SMCHD1: variants seen among roughly 807,000 people sequenced by gnomAD.
SMCHD1 encodes structural maintenance of chromosomes flexible hinge domain-containing protein 1.
SMCHD1 carries 78 observed loss-of-function variants against 254.7 expected under a neutral mutation model. That is an observed-to-expected ratio of 0.31 (90% CI 0.26 to 0.37). The LOEUF (loss-of-function observed/expected upper bound fraction) is 0.37. Among genes scored for constraint, SMCHD1 ranks in the 10% least tolerant of loss-of-function variants. The pLI is 1.00. For missense variants in SMCHD1, 1,840 were observed against 2,408.1 expected (o/e 0.76, Z 4.94); for synonymous variants, 766 against 794.9 (o/e 0.96, Z 0.61).
At chr18:2,662,898 A>G (rs1221671754) in intron 1 of SMCHD1, among the ~76,000 whole-genome samples, 2 of 152,126 alleles carry the variant, frequency 1.3e-5, no homozygotes, top group African/African-American at 2.4e-5. Flanking sequence ...AAGTATGCCA[A>G]ATTAATTACT....
chr18:2,708,907 T>TATATATATATATATATATATATAAAA (rs769432583), intron 17 of SMCHD1, among the ~76,000 whole-genome samples: 8 of 44,702 alleles, frequency 1.8e-4, no homozygotes, highest in Admixed American at 5.9e-4. Context: ...TATATATATA[T>TATATATATATATATATATATATAAAA]AACATATTAA....
chr18:2,733,244 T>TA (rs756090782), intron 25 of SMCHD1, among the ~76,000 whole-genome samples: 43 of 152,086 alleles, frequency 2.8e-4, no homozygotes, highest in African/African-American at 8.2e-4. Flanking sequence ...AATTGTACAA[T>TA]AAAAAATCAC....
chr18:2,680,323 T>TTGC (rs140806627), intron 5 of SMCHD1, among the ~76,000 whole-genome samples: 1 of 188 alleles, frequency 5.3e-3, no homozygotes, highest in Non-Finnish European at 0.023. Context: ...TCCCCAAGAC[T>TTGC]TGTTGCATCT....
At chr18:2,682,097 A>G (rs2073943754) in intron 5 of SMCHD1, among the ~76,000 whole-genome samples, 1 of 151,992 alleles carries the variant, frequency 6.6e-6, no homozygotes, top group Non-Finnish European at 1.5e-5. Context: ...TGTCTGGCAC[A>G]TTTATTCTAG....
chr18:2,685,124 G>T (rs143978650), intron 5 of SMCHD1, among the ~76,000 whole-genome samples: 2 of 64,272 alleles, frequency 3.1e-5, no homozygotes, highest in Non-Finnish European at 6.3e-5. Flanking sequence ...TTTTTGAGAC[G>T]AGTCTCGTTC....
intron 35 of SMCHD1, among the ~76,000 whole-genome samples, chr18:2,761,819 A>G (rs2075790844): frequency 6.6e-6 from 1 of 152,200 alleles, no homozygotes; most frequent in Non-Finnish European, 1.5e-5. Flanking sequence ...CTCTGTCTCA[A>G]AAAAACAAAA....
chr18:2,729,301 C>A lies in SMCHD1; in HGVS notation c.2940C>A (p.Val980=), dbSNP rs1488080170. 1.7e-5 allele frequency: 26 copies of A among 1,534,114 alleles called. No homozygotes were observed. The highest frequency in any genetic ancestry group is 2.2e-5 in the Non-Finnish European group (25 of 1,142,336). The change falls in exon 24 of 48, where the codon GTC becomes GTA. Residue 980 remains valine, a synonymous_variant. Transcript: ENST00000320876. The part of the protein sequence containing the change: ...CKFSGAPNLP[V]YVVDCSSSGT... ...TTTCAGGTGCTCCAAACCTTCCAGT[C>A]TATGTTGTAGATTGCAGTAGTTCTG...
intron 47 of SMCHD1, among the ~76,000 whole-genome samples, chr18:2,801,697 A>G (rs1022454849): frequency 1.1e-4 from 16 of 152,130 alleles, no homozygotes; most frequent in African/African-American, 3.6e-4. Context: ...TATACTGAAT[A>G]TATATTTGTT....
At position 2,704,895 on chromosome 18, in the gene SMCHD1, A is replaced by G. The variant is rs2074480891; in HGVS notation, c.1843-799A>G. On this transcript the variant is annotated intron_variant, in intron 13 of 47. Coordinates refer to ENST00000320876, the MANE Select transcript of SMCHD1 (RefSeq NM_015295.3). ...TTCCCAACATTTAGTGGTTAGAATG[A>G]AAAGGAGGAGCTGGCAGAGGAGACT... Among the ~76,000 whole-genome samples, 3 of 152,232 alleles carry G rather than the reference A, an allele frequency of 2.0e-5. No homozygotes were observed. The South Asian group carries it at 6.2e-4, about 32-fold the overall frequency.
intron 19 of SMCHD1, among the ~76,000 whole-genome samples, chr18:2,720,273 T>C (rs2074896722): frequency 6.6e-6 from 1 of 152,250 alleles, no homozygotes; most frequent in African/African-American, 2.4e-5. Flanking sequence ...CTATGCTTTC[T>C]ATTTTTTCCT....
rs1183202041 is a variant in SMCHD1, at chr18:2,778,233, A to G, written c.5541A>G (p.Arg1847=). 6.2e-7 allele frequency: 1 copy of G among 1,604,800 alleles called. No homozygotes were observed. The highest frequency in any genetic ancestry group is 8.5e-7 in the Non-Finnish European group (1 of 1,173,646). ...LDNLDAANHY[R]KEVVKITHCP... is the part of the protein sequence containing the mutation. ...ATCTGGATGCGGCCAATCATTATAG[A>G]AAAGAGGTATGTATTTGATTTCTTT... The change falls in exon 44 of 48, where the codon AGA becomes AGG. Residue 1847 remains arginine, a synonymous_variant. Coordinates refer to ENST00000320876, the MANE Select transcript of SMCHD1 (RefSeq NM_015295.3).
chr18:2,709,756 T>C (rs1183842092), intron 17 of SMCHD1, among the ~76,000 whole-genome samples: 1 of 152,214 alleles, frequency 6.6e-6, no homozygotes, highest in Non-Finnish European at 1.5e-5. Context: ...CATTTTTAAA[T>C]TTTGTTGTTG....
At position 2,656,180 on chromosome 18, in the gene SMCHD1, A is replaced by G. The variant is rs762701728; in HGVS notation, c.105A>G (p.Glu35=). 10 of 1,509,840 alleles carry G rather than the reference A, an allele frequency of 6.6e-6. No individual in the cohort carries two copies. The East Asian group carries it at 1.4e-4, about 20-fold the overall frequency. 93.5% of individuals were successfully genotyped at this position (1,509,840 alleles called of 1,614,324 possible). A position where few individuals can be genotyped will look rare whatever the true frequency, so the allele number is the denominator to read the frequency against. The part of the protein sequence containing the change: ...HRTVYLFDRR[E]KESELGDRPL... ...CGGTGTACTTGTTTGATCGGCGCGA[A>G]AAGGAGTCCGAGCTCGGGGACCGGC... Residue 35 remains glutamate, a synonymous_variant, in exon 1 of 48, where the codon GAA becomes GAG. Coordinates refer to ENST00000320876, the MANE Select transcript of SMCHD1 (RefSeq NM_015295.3).
chr18:2,754,464 A>G (rs537715423), intron 34 of SMCHD1, among the ~76,000 whole-genome samples: 41 of 152,372 alleles, frequency 2.7e-4, no homozygotes, highest in African/African-American at 8.9e-4. Flanking sequence ...GTCTTGGTGA[A>G]GTCACAGAGT....
At chr18:2,770,735 C>T (rs998525376) in intron 39 of SMCHD1, among the ~76,000 whole-genome samples, 4 of 152,138 alleles carry the variant, frequency 2.6e-5, no homozygotes, top group Non-Finnish European at 4.4e-5. Flanking sequence ...ATTCTCGTGC[C>T]TCAGCCTCCC....
rs1293600421 is a variant in SMCHD1 at position 2,804,027 on chromosome 18, A to ACTT, written c.*1476_*1478dup. 13 of 152,116 alleles carry ACTT rather than the reference A, an allele frequency of 8.5e-5. No homozygotes were observed. Among genetic ancestry groups the ACTT allele is most frequent in the African/African-American group, 3.1e-4 (13 of 41,430 alleles). 9.4% of individuals were successfully genotyped at this position (152,116 alleles called of 1,614,324 possible). A position where few individuals can be genotyped will look rare whatever the true frequency, so the allele number is the denominator to read the frequency against. On this transcript the variant is annotated 3_prime_UTR_variant, in exon 48 of 48. Coordinates refer to ENST00000320876, the MANE Select transcript of SMCHD1 (RefSeq NM_015295.3). ...AATTTTGGAACATTTCTTGTTTCTG[A>ACTT]CTTTTAGATTAGGGATACTCACCCC...
At chr18:2,675,143 CTAAG>C (rs1481521818) in intron 5 of SMCHD1, among the ~76,000 whole-genome samples, 5 of 151,988 alleles carry the variant, frequency 3.3e-5, no homozygotes, top group Non-Finnish European at 5.9e-5. Flanking sequence ...TTTATGACAA[CTAAG>C]TGAGTTAGTA....
intron 5 of SMCHD1, among the ~76,000 whole-genome samples, chr18:2,684,959 T>C (rs2074008850): frequency 6.6e-6 from 1 of 152,102 alleles, no homozygotes; most frequent in Admixed American, 6.5e-5. Context: ...AGTACAGTAT[T>C]GTTATTTAGC....
rs779143991 is a variant in SMCHD1 at position 2,706,449 on chromosome 18, A to G, written c.2042A>G (p.Tyr681Cys). 1.3e-6 allele frequency: 2 copies of G among 1,586,616 alleles called. No individual in the cohort carries two copies. Among genetic ancestry groups the G allele is most frequent in the Non-Finnish European group, 8.6e-7 (1 of 1,165,690 alleles). Residue 681 changes from tyrosine (Y) to cysteine (C), a missense_variant, in exon 15 of 48, where the codon TAT becomes TGT. By Grantham distance (194) the Tyr-to-Cys change is radical. Around this residue, in one of 9 missense-constraint regions of SMCHD1, gnomAD observed 498 missense variants for 743.5 expected, o/e 0.67. Transcript: ENST00000320876. The part of the protein sequence containing the change: ...RTVAEKAVKK[Y>C]VEDEMARLPD... ...GTTGCTGAGAAAGCTGTTAAAAAAT[A>G]TGTAGAAGATGAAATGGCAAGGTAA...
Sources: allele counts gnomAD v4.1 joint callset (sites outside exome capture counted in the v4.1 genomes callset), GRCh38; gene constraint gnomAD v4.1.1; regional missense constraint gnomAD v4.1.1; transcripts MANE v1.5; gene names NCBI Gene and HGNC (gene_info 2026-07-23, HGNC 2026-07-21).